RXFP1: variants seen among roughly 807,000 people sequenced by gnomAD.
RXFP1 encodes relaxin family peptide receptor 1.
A neutral mutation model predicts 89.8 loss-of-function variants in RXFP1; 73 were observed. The observed-to-expected ratio is 0.81, with a 90% CI of 0.67 to 0.99. The LOEUF (loss-of-function observed/expected upper bound fraction) is 0.99. Ranked by LOEUF, RXFP1 falls within the 50% of genes least tolerant of loss-of-function variation. The pLI is 0.00. For missense variants in RXFP1, 793 were observed against 895.5 expected (o/e 0.89, Z 1.46); for synonymous variants, 277 against 305.5 (o/e 0.91, Z 0.97).
intron 1 of RXFP1, among the ~76,000 whole-genome samples, chr4:158,570,687 C>A (rs1481825632): frequency 6.6e-6 from 1 of 152,120 alleles, no homozygotes; most frequent in African/African-American, 2.4e-5. Flanking sequence ...AGTCTCCTAC[C>A]CAATGGCACT....
intron 9 of RXFP1, among the ~76,000 whole-genome samples, chr4:158,625,012 C>T (rs992082946): frequency 6.6e-6 from 1 of 152,080 alleles, no homozygotes; most frequent in African/African-American, 2.4e-5. Context: ...TAATAGAAAA[C>T]AGTTACGTAA....
rs1470309501 is a variant in RXFP1, at chr4:158,626,890, T to C, written c.826T>C (p.Leu276=). Residue 276 remains leucine (L), a splice_region_variant and synonymous_variant, in exon 10 of 18, where the codon TTA becomes CTA. Coordinates refer to ENST00000307765, the MANE Select transcript of RXFP1 (RefSeq NM_021634.4). ...TFISCSNLTV[L]VMRKNKINHL... The stretch of plus-strand genomic sequence containing the variant: ...TATTTCCTGCAGTAATTTAACTGTT[T>C]TGTAAGTAATATGCTATGCTTTTGA... 1 of 1,414,714 alleles carries C rather than the reference T, an allele frequency of 7.1e-7. No individual in the cohort carries two copies. The highest frequency in any genetic ancestry group is 1.9e-5 in the Admixed American group (1 of 53,278). 87.6% of individuals were successfully genotyped at this position (1,414,714 alleles called of 1,614,324 possible).
intron 3 of RXFP1, among the ~76,000 whole-genome samples, chr4:158,596,380 C>G (rs970380110): frequency 6.6e-6 from 1 of 151,422 alleles, no homozygotes; most frequent in Non-Finnish European, 1.5e-5. Flanking sequence ...TCTTCTGCCT[C>G]AGCCTCCCGA....
At chr4:158,536,842 G>C (rs1031019942) in intron 1 of RXFP1, among the ~76,000 whole-genome samples, 1 of 151,986 alleles carries the variant, frequency 6.6e-6, no homozygotes, top group Non-Finnish European at 1.5e-5. Context: ...CATATTAACT[G>C]TTTCAAAATA....
intron 1 of RXFP1, among the ~76,000 whole-genome samples, chr4:158,539,742 A>G (rs1746143016): frequency 6.6e-6 from 1 of 152,150 alleles, no homozygotes; most frequent in Non-Finnish European, 1.5e-5. Flanking sequence ...GAATCTAGGA[A>G]GTATATTTTT....
chr4:158,565,106 C>T (rs897467077), intron 1 of RXFP1, among the ~76,000 whole-genome samples: 3 of 152,046 alleles, frequency 2.0e-5, no homozygotes, highest in Non-Finnish European at 4.4e-5. Context: ...GGGGAGAGTG[C>T]TCATGTAAGT....
intron 1 of RXFP1, among the ~76,000 whole-genome samples, chr4:158,525,599 C>T (rs778923906): frequency 3.3e-5 from 5 of 152,220 alleles, no homozygotes; most frequent in Non-Finnish European, 7.4e-5. Flanking sequence ...GTTTAACTTT[C>T]TGTCTGAAAA....
At chr4:158,538,910 C>G (rs1165448865) in intron 1 of RXFP1, among the ~76,000 whole-genome samples, 2 of 152,004 alleles carry the variant, frequency 1.3e-5, no homozygotes, top group African/African-American at 4.8e-5. Flanking sequence ...ACACGTTCCA[C>G]AGATGTGCAT....
At chr4:158,603,892 T>A (rs920299675) in intron 4 of RXFP1, among the ~76,000 whole-genome samples, 1 of 76,220 alleles carries the variant, frequency 1.3e-5, no homozygotes, top group Non-Finnish European at 2.4e-5. Flanking sequence ...TCCATCTCAA[T>A]AATAATAATA....
intron 1 of RXFP1, among the ~76,000 whole-genome samples, chr4:158,524,317 A>G (rs1741933774): frequency 6.6e-6 from 1 of 152,194 alleles, no homozygotes; most frequent in Admixed American, 6.5e-5. Flanking sequence ...AAAACTATAA[A>G]GCCCGTTACA....
chr4:158,628,601 T>G, intron 10 of RXFP1, 37 bp from the exon 11 acceptor site: 1 of 1,039,054 alleles, frequency 9.6e-7, no homozygotes, highest in South Asian at 1.4e-5. Flanking sequence ...GTCGGTTACC[T>G]AAAGAAGTTA....
chr4:158,533,317 A>G (rs984158361), intron 1 of RXFP1, among the ~76,000 whole-genome samples: 4 of 152,240 alleles, frequency 2.6e-5, no homozygotes, highest in Non-Finnish European at 5.9e-5. Flanking sequence ...AATAAAGTAC[A>G]GTCTAAATTT....
intron 1 of RXFP1, among the ~76,000 whole-genome samples, chr4:158,563,494 A>T (rs1031540278): frequency 2.8e-5 from 2 of 71,246 alleles, no homozygotes; most frequent in Non-Finnish European, 5.3e-5. Flanking sequence ...GGAGAATTCA[A>T]TGCACACACA....
At chr4:158,523,684 A>G (rs1444540515) in intron 1 of RXFP1, among the ~76,000 whole-genome samples, 1 of 152,130 alleles carries the variant, frequency 6.6e-6, no homozygotes, top group East Asian at 1.9e-4. Flanking sequence ...TCCTCGCTAC[A>G]TGGTATTAAC....
chr4:158,603,036 T>A (rs1761979209), intron 4 of RXFP1, among the ~76,000 whole-genome samples: 1 of 152,194 alleles, frequency 6.6e-6, no homozygotes, highest in Admixed American at 6.5e-5. Flanking sequence ...GCTCAGGTGA[T>A]CCTCCTGCCT....
At chr4:158,578,596 T>C (rs1756713954) in intron 2 of RXFP1, among the ~76,000 whole-genome samples, 2 of 152,150 alleles carry the variant, frequency 1.3e-5, no homozygotes, top group Admixed American at 1.3e-4. Flanking sequence ...AAAGAAACTC[T>C]TTACGTTTCT....
chr4:158,607,327 GT>G (rs11326047), intron 5 of RXFP1, among the ~76,000 whole-genome samples: 45,804 of 151,810 alleles, frequency 0.3, 12,518 homozygotes, highest in African/African-American at 0.73. Context: ...TTATTTTTAT[GT>G]TTTTTTTCTT....
At chr4:158,543,004 T>C (rs1424983951) in intron 1 of RXFP1, among the ~76,000 whole-genome samples, 1 of 152,058 alleles carries the variant, frequency 6.6e-6, no homozygotes. Flanking sequence ...AAATAACTAT[T>C]GGGTATTAGG....
intron 1 of RXFP1, among the ~76,000 whole-genome samples, chr4:158,549,426 C>A (rs926169426): frequency 6.6e-6 from 1 of 152,110 alleles, no homozygotes; most frequent in Admixed American, 6.6e-5. Flanking sequence ...GTAGTCTGAT[C>A]GTCTGAAGCC....
Sources: allele counts gnomAD v4.1 joint callset (sites outside exome capture counted in the v4.1 genomes callset), GRCh38; gene constraint gnomAD v4.1.1; transcripts MANE v1.5; gene names NCBI Gene and HGNC (gene_info 2026-07-23, HGNC 2026-07-21).